Variants in TASP1 observed in about 807,000 individuals in gnomAD.
The protein encoded by TASP1 is threonine aspartase 1.
A neutral mutation model predicts 56.6 loss-of-function variants in TASP1; 16 were observed. That is an observed-to-expected ratio of 0.28 (90% CI 0.19 to 0.43). The LOEUF (loss-of-function observed/expected upper bound fraction) is 0.43. Ranked by LOEUF, TASP1 falls within the 20% of genes least tolerant of loss-of-function variation. TASP1 has a pLI of 1.00. For synonymous variants in TASP1, 179 were observed against 184.2 expected (o/e 0.97, Z 0.23); for missense variants, 393 against 511.6 (o/e 0.77, Z 2.24).
At chr20:13,478,780 T>TA (rs2146483433) in intron 11 of TASP1, among the ~76,000 whole-genome samples, 1 of 151,602 alleles carries the variant, frequency 6.6e-6, no homozygotes, top group East Asian at 1.9e-4. Flanking sequence ...GAGCAACCAC[T>TA]AAAAAAAATA....
the TASP1 span, among the ~76,000 whole-genome samples, chr20:13,360,533 C>T: frequency 3.1e-3 from 465 of 151,452 alleles, no homozygotes; most frequent in East Asian, 9.9e-3. Flanking sequence ...AGGACCACAC[C>T]CTGTAGCCTT....
the TASP1 span, among the ~76,000 whole-genome samples, chr20:13,361,858 G>A: frequency 0.29 from 43,357 of 151,528 alleles, 7,223 homozygotes; most frequent in African/African-American, 0.46. Context: ...TTGCTGGCAG[G>A]ACTATGCTGA....
intron 12 of TASP1, among the ~76,000 whole-genome samples, chr20:13,429,001 G>T (rs1050163652): frequency 6.6e-6 from 1 of 152,200 alleles, no homozygotes; most frequent in African/African-American, 2.4e-5. Context: ...CTGGTGGTAT[G>T]ATTCTTAGAA....
At chr20:13,298,837 C>T in the TASP1 span, 2 of 1,140,708 alleles carry the variant, frequency 1.8e-6, no homozygotes, top group Non-Finnish European at 2.5e-6. Context: ...CTTTAGTGTC[C>T]TCCTGCGGGC....
chr20:13,518,387 G>A (rs1199663125), intron 10 of TASP1, among the ~76,000 whole-genome samples: 1 of 152,084 alleles, frequency 6.6e-6, no homozygotes, highest in Non-Finnish European at 1.5e-5. Context: ...TCTCAGAGAA[G>A]AAAGAGCTAT....
intron 8 of TASP1, among the ~76,000 whole-genome samples, chr20:13,548,768 T>C (rs935346646): frequency 2.0e-5 from 3 of 152,198 alleles, no homozygotes; most frequent in Non-Finnish European, 4.4e-5. Context: ...GTTCCATGTT[T>C]ATTTATGCAA....
At chr20:13,556,141 A>C (rs1214676962) in intron 8 of TASP1, among the ~76,000 whole-genome samples, 1 of 152,184 alleles carries the variant, frequency 6.6e-6, no homozygotes, top group East Asian at 1.9e-4. Context: ...TCTTTTAGTA[A>C]ATGGCAAATA....
the TASP1 span, among the ~76,000 whole-genome samples, chr20:13,359,598 C>G: frequency 6.6e-6 from 1 of 151,360 alleles, no homozygotes; most frequent in Non-Finnish European, 1.5e-5. Context: ...GCCTCCATAA[C>G]TGTTGTGGGT....
chr20:13,210,555 T>C, the TASP1 span, among the ~76,000 whole-genome samples: 1 of 152,036 alleles, frequency 6.6e-6, no homozygotes, highest in Non-Finnish European at 1.5e-5. Context: ...ATATACATAG[T>C]GCAGTCTATG....
chr20:13,464,015 C>G (rs2146367729), intron 11 of TASP1, among the ~76,000 whole-genome samples: 1 of 152,208 alleles, frequency 6.6e-6, no homozygotes, highest in Non-Finnish European at 1.5e-5. Flanking sequence ...CCCAAAAGAA[C>G]TGAAAGCAAA....
intron 4 of TASP1, among the ~76,000 whole-genome samples, chr20:13,607,656 C>T (rs947030942): frequency 2.0e-5 from 3 of 152,158 alleles, no homozygotes; most frequent in South Asian, 2.1e-4. Context: ...CACACTCTGT[C>T]GCTCAAGTGC....
the TASP1 span, among the ~76,000 whole-genome samples, chr20:13,277,093 C>T: frequency 1.7e-3 from 258 of 152,124 alleles, 1 homozygote; most frequent in Middle Eastern, 0.014. Context: ...CTACTCATTG[C>T]CTGGCCAGGC....
At chr20:13,583,222 T>C (rs2147229067) in intron 5 of TASP1, among the ~76,000 whole-genome samples, 1 of 152,306 alleles carries the variant, frequency 6.6e-6, no homozygotes. Context: ...GGAGGTTTAA[T>C]TCTCACAGCA....
chr20:13,391,734 G>C (rs112174776), intron 13 of TASP1, among the ~76,000 whole-genome samples: 1 of 152,030 alleles, frequency 6.6e-6, no homozygotes, highest in Admixed American at 6.5e-5. Flanking sequence ...TTGGGAGGCC[G>C]AGGCGGGCAG....
At chr20:13,611,916 C>A (rs2147443893) in intron 4 of TASP1, among the ~76,000 whole-genome samples, 1 of 152,308 alleles carries the variant, frequency 6.6e-6, no homozygotes, top group East Asian at 1.9e-4. Flanking sequence ...ATGGGCCAAT[C>A]AACACGCATC....
chr20:13,221,609 C>T, the TASP1 span, among the ~76,000 whole-genome samples: 71 of 147,028 alleles, frequency 4.8e-4, no homozygotes, highest in East Asian at 9.6e-3. Context: ...CCCCGCACAC[C>T]CCGCCGCGCC....
At chr20:13,571,392 C>G (rs559583751) in intron 6 of TASP1, among the ~76,000 whole-genome samples, 1 of 152,324 alleles carries the variant, frequency 6.6e-6, no homozygotes, top group South Asian at 2.1e-4. Flanking sequence ...AGCACCGATT[C>G]AAATTTCTCT....
chr20:13,215,146 G>A, the TASP1 span, among the ~76,000 whole-genome samples: 2 of 152,166 alleles, frequency 1.3e-5, no homozygotes, highest in African/African-American at 4.8e-5. Flanking sequence ...AAGCACGTTG[G>A]TCTTGGAAGT....
the TASP1 span, among the ~76,000 whole-genome samples, chr20:13,224,900 C>CA: frequency 2.2e-5 from 3 of 138,974 alleles, no homozygotes; most frequent in African/African-American, 8.2e-5. Flanking sequence ...GGCTGGAGTG[C>CA]AGTGGCGCGA....
Sources: allele counts gnomAD v4.1 joint callset (sites outside exome capture counted in the v4.1 genomes callset), GRCh38; gene constraint gnomAD v4.1.1; transcripts MANE v1.5; gene names NCBI Gene and HGNC (gene_info 2026-07-23, HGNC 2026-07-21).